STAG3: variants seen among roughly 807,000 people sequenced by gnomAD.
The protein encoded by STAG3 is STAG3 cohesin complex component, also known as cohesin subunit SA-3.
In STAG3, 101 loss-of-function variants were observed where a neutral mutation model predicts 160.7. The observed-to-expected ratio is 0.63, with a 90% CI of 0.54 to 0.74. STAG3 has a LOEUF of 0.74. Ranked by LOEUF, STAG3 falls within the 30% of genes least tolerant of loss-of-function variation. The pLI is 0.00. For missense variants in STAG3, 1,188 were observed against 1,517.4 expected (o/e 0.78, Z 3.61); for synonymous variants, 519 against 585.0 (o/e 0.89, Z 1.63).
rs10632661 is a variant in STAG3 at position 100,178,832 on chromosome 7, C to CTTT, written c.-65+839_-65+841dup. ...GCCTTATTTTATTTATTTGTCATTA[C>CTTT]TTTTTTTTTTTTTTGAGACAGAGTC... On this transcript the variant is annotated intron_variant, in intron 1 of 33. Coordinates refer to ENST00000615138, the MANE Select transcript of STAG3 (RefSeq NM_001282717.2). 4.5e-3 allele frequency among the ~76,000 whole-genome samples: 642 copies of CTTT among 142,970 alleles called. 3 individuals carry two copies. Among genetic ancestry groups the CTTT allele is most frequent in the South Asian group, 0.011 (48 of 4,524 alleles). The allele number at this position is 142,970 out of a possible 152,430, so 93.8% of individuals were successfully genotyped here.
chr7:100,204,171 T>C (rs769059247), intron 26 of STAG3, 49 bp downstream of exon 26: 1 of 1,449,072 alleles, frequency 6.9e-7, no homozygotes, highest in Admixed American at 1.7e-5. Context: ...TCCCCAAGTC[T>C]CTGTCTACCC....
downstream of STAG3, among the ~76,000 whole-genome samples, chr7:100,216,818 A>G (rs1303751242): frequency 6.6e-6 from 1 of 152,170 alleles, no homozygotes; most frequent in Non-Finnish European, 1.5e-5. Flanking sequence ...AATGACCTTC[A>G]TAACTGCCAG....
chr7:100,211,612 C>T (rs1802216474), intron 31 of STAG3, 73 bp downstream of exon 31: 2 of 1,537,642 alleles, frequency 1.3e-6, no homozygotes, highest in Non-Finnish European at 8.9e-7. Context: ...CTGTCTCACC[C>T]ATTGCCTCTC....
chr7:100,208,650 C>T (rs568630047), intron 29 of STAG3, among the ~76,000 whole-genome samples: 3 of 152,124 alleles, frequency 2.0e-5, no homozygotes, highest in African/African-American at 4.8e-5. Flanking sequence ...CTGCCTAAAG[C>T]GTAGGGTTTG....
At chr7:100,202,686 A>T in intron 25 of STAG3, 96 bp downstream of exon 25, 1 of 1,486,174 alleles carries the variant, frequency 6.7e-7, no homozygotes, top group South Asian at 1.3e-5. Flanking sequence ...GGGATATCCA[A>T]TGGTTTCAAG....
rs138386162 is a variant in STAG3, at chr7:100,201,334, G to A, written c.2203G>A (p.Gly735Arg). ...CQLLQKAVDT[G>R]EVPHQVILPA... Reference sequence around the variant, plus strand: ...ACTCCTGCAGAAGGCTGTGGACACAGGAGAGGTTCCTCACCAGGTGAGTGG... The same window carrying A: ...ACTCCTGCAGAAGGCTGTGGACACAAGAGAGGTTCCTCACCAGGTGAGTGG... Residue 735 changes from glycine to arginine, a missense_variant, in exon 21 of 34, where the codon GGA becomes AGA. This residue lies in a region of STAG3 where 647 missense variants were observed against 717.2 expected (regional missense o/e 0.90). Coordinates refer to ENST00000615138, the MANE Select transcript of STAG3 (RefSeq NM_001282717.2). 6 of 1,614,060 alleles carry A rather than the reference G, an allele frequency of 3.7e-6. No individual in the cohort carries two copies. In the African/African-American group the frequency reaches 5.3e-5, roughly 14 times the overall value.
intron 29 of STAG3, 55 bp downstream of exon 29, chr7:100,205,439 G>C: frequency 6.6e-7 from 1 of 1,511,974 alleles, no homozygotes. Context: ...TTGGCTGCCT[G>C]CAAACTTATT....
At chr7:100,203,913 TCCTA>T (rs1801386103) in intron 25 of STAG3, 104 bp from the exon 26 acceptor site, 2 of 694,634 alleles carry the variant, frequency 2.9e-6, no homozygotes, top group Non-Finnish European at 5.1e-6. Context: ...AGTTCATGTT[TCCTA>T]CCTAAGGGAG....
At position 100,211,195 on chromosome 7, in the gene STAG3, T is replaced by C. The variant is rs753004148; in HGVS notation, c.3413+10T>C. The C allele has an allele frequency of 1.3e-6, 2 of 1,545,682 alleles. No homozygotes were observed. Among genetic ancestry groups the C allele is most frequent in the South Asian group, 1.2e-5 (1 of 80,324 alleles). Reference sequence around the variant, plus strand: ...TGGATTTTGCCCAGGGGTGAGGCCATGGAGGGAATCTGGGTGTCTGAGTTC... The same window carrying C: ...TGGATTTTGCCCAGGGGTGAGGCCACGGAGGGAATCTGGGTGTCTGAGTTC... On this transcript the variant is annotated intron_variant, in intron 30 of 33. Transcript: ENST00000615138.
intron 29 of STAG3, among the ~76,000 whole-genome samples, chr7:100,206,763 C>T (rs145888115): frequency 4.1e-4 from 62 of 152,270 alleles, no homozygotes; most frequent in African/African-American, 1.4e-3. Context: ...AGCCCCCGTG[C>T]CCAGCCAAAA....
At position 100,202,511 on chromosome 7, in the gene STAG3, T is replaced by C. The variant is rs1584735430; in HGVS notation, c.2621T>C (p.Leu874Pro). The stretch of plus-strand genomic sequence containing the variant: ...CGGCTACACCAGCGGCGCCGCCTCC[T>C]AGCCGGGTTCTGCAAGCTGTTGCTT... ...IERLHQRRRL[L>P]AGFCKLLLYG... The change falls in exon 25 of 34, where the codon CTA becomes CCA. Residue 874 changes from leucine (L) to proline (P), a missense_variant. Physicochemically the swap from Leu to Pro is moderately conservative, Grantham distance 98. Around this residue, in one of 4 missense-constraint regions of STAG3, gnomAD observed 647 missense variants for 717.2 expected, o/e 0.90. Coordinates refer to ENST00000615138, the MANE Select transcript of STAG3 (RefSeq NM_001282717.2). 1.2e-6 allele frequency: 2 copies of C among 1,614,208 alleles called. No individual in the cohort carries two copies. The highest frequency in any genetic ancestry group is 1.7e-6 in the Non-Finnish European group (2 of 1,180,036).
intron 4 of STAG3, among the ~76,000 whole-genome samples, chr7:100,185,735 T>C (rs1262121341): frequency 6.6e-6 from 1 of 152,236 alleles, no homozygotes; most frequent in Admixed American, 6.5e-5. Flanking sequence ...AGAATTATTT[T>C]TTTTCCCTCC....
rs1275562560 is a variant in STAG3 at position 100,205,339 on chromosome 7, ACC to A, written c.3194_3195del (p.Thr1065LysfsTer14). The stretch of plus-strand genomic sequence containing the variant: ...CAGCCCTGTGGAGAACACAGCAGAG[ACC>A]AGCCCTCAGGTCCTCCCCAGCTCCA... ...SLSPVENTAE[T>X]SPQVLPSSKR... On this transcript the variant is annotated frameshift_variant, in exon 29 of 34. Coordinates refer to ENST00000615138, the MANE Select transcript of STAG3 (RefSeq NM_001282717.2). LOFTEE classifies it high-confidence loss of function. 1.2e-6 allele frequency: 2 copies of A among 1,614,052 alleles called. No individual in the cohort carries two copies. Among genetic ancestry groups the A allele is most frequent in the East Asian group, 4.5e-5 (2 of 44,880 alleles).
chr7:100,180,763 T>A (rs1799595085), intron 2 of STAG3, 91 bp downstream of exon 2: 3 of 822,156 alleles, frequency 3.6e-6, no homozygotes, highest in Non-Finnish European at 6.4e-6. Flanking sequence ...TGCGTGGGAC[T>A]GTGTGAAAAC....
At chr7:100,215,526 AAC>A (rs1802687030), downstream of STAG3, among the ~76,000 whole-genome samples, 1 of 152,192 alleles carries the variant, frequency 6.6e-6, no homozygotes, top group Non-Finnish European at 1.5e-5. Context: ...GGGATGAGGG[AAC>A]AGAGTGGGAG....
rs779778925 is a variant in STAG3, at chr7:100,200,982, G to A, written c.2061+13G>A. ...AGAGCTGTTACAGGTAGGAGCTGGGGCTGGACAATGGGACACCCCAAACAA... is the reference window on the plus strand; with the variant it reads ...AGAGCTGTTACAGGTAGGAGCTGGGACTGGACAATGGGACACCCCAAACAA... On this transcript the variant is annotated intron_variant, in intron 19 of 33. Transcript: ENST00000615138. 12 of 1,614,084 alleles carry A rather than the reference G, an allele frequency of 7.4e-6. No individual in the cohort carries two copies. The highest frequency in any genetic ancestry group is 1.1e-5 in the South Asian group (1 of 91,086).
At chr7:100,200,131 T>A in intron 16 of STAG3, 105 bp from the exon 17 acceptor site, 1 of 738,226 alleles carries the variant, frequency 1.4e-6, no homozygotes, top group Non-Finnish European at 2.2e-6. Flanking sequence ...TACTGAGTTC[T>A]CTTTTCCTTC....
chr7:100,202,116 T>C (rs541100149), intron 23 of STAG3, 56 bp from the exon 24 acceptor site: 2 of 1,609,596 alleles, frequency 1.2e-6, no homozygotes, highest in South Asian at 2.2e-5. Context: ...GACAGTGTCA[T>C]TTCTACCTTG....
chr7:100,179,315 T>C (rs1296064252), intron 1 of STAG3, among the ~76,000 whole-genome samples: 1 of 150,384 alleles, frequency 6.6e-6, no homozygotes, highest in Non-Finnish European at 1.5e-5. Context: ...CTCAAACTGC[T>C]GGGCTCAAGC....
Sources: gnomAD v4.1 joint callset for allele counts (sites outside exome capture counted in the v4.1 genomes callset) on GRCh38, gnomAD v4.1.1 for gene constraint, gnomAD v4.1.1 regional missense constraint, MANE v1.5 for transcripts, NCBI Gene and HGNC (gene_info 2026-07-23, HGNC 2026-07-21) for gene names.